The following TRPM7 variants were observed in gnomAD, a reference collection of about 807,000 sequenced individuals.
TRPM7 encodes the protein LTRPC ion channel family member 7.
TRPM7 carries 134 observed loss-of-function variants against 229.7 expected under a neutral mutation model. The observed-to-expected ratio is 0.58, with a 90% confidence interval of 0.51 to 0.67. The LOEUF is 0.67. Among genes scored for constraint, TRPM7 ranks in the 30% least tolerant of loss-of-function variants. The pLI, the probability that TRPM7 is intolerant of heterozygous loss-of-function variation, is 0.00. For synonymous variants in TRPM7, 699 were observed against 715.2 expected (o/e 0.98, Z 0.36); for missense variants, 1,901 against 2,210.0 (o/e 0.86, Z 2.80).
At chr15:50,655,835 C>A (rs1051305872) in intron 3 of TRPM7, among the ~76,000 whole-genome samples, 1 of 151,618 alleles carries the variant, frequency 6.6e-6, no homozygotes, top group Non-Finnish European at 1.5e-5. Context: ...ACTAAAAGTA[C>A]GAAAATTAGC....
intron 1 of TRPM7, among the ~76,000 whole-genome samples, chr15:50,671,130 G>C (rs1596342367): frequency 6.6e-6 from 1 of 152,116 alleles, no homozygotes; most frequent in Non-Finnish European, 1.5e-5. Flanking sequence ...TAGTCACCAT[G>C]TTGTACAGAA....
chr15:50,618,099 C>T (rs1319713077), intron 13 of TRPM7, among the ~76,000 whole-genome samples: 1 of 151,946 alleles, frequency 6.6e-6, no homozygotes, highest in Non-Finnish European at 1.5e-5. Flanking sequence ...TCAAGGAAAA[C>T]AAAACTGTAT....
At chr15:50,589,078 T>C (rs990241945) in intron 27 of TRPM7, among the ~76,000 whole-genome samples, 2 of 152,118 alleles carry the variant, frequency 1.3e-5, no homozygotes, top group Non-Finnish European at 2.9e-5. Context: ...TCCCAGCACC[T>C]TGGGAAGCCG....
chr15:50,628,802 A>G (rs1291882363), intron 10 of TRPM7, among the ~76,000 whole-genome samples: 1 of 152,218 alleles, frequency 6.6e-6, no homozygotes, highest in Non-Finnish European at 1.5e-5. Context: ...ACAAAGATGA[A>G]CTGTTTCTAT....
intron 38 of TRPM7, 136 bp from the exon 39 acceptor site, chr15:50,561,944 G>C: frequency 1.2e-6 from 1 of 843,848 alleles, no homozygotes; most frequent in South Asian, 2.1e-5. Flanking sequence ...GCCCAAGCTG[G>C]AGTGCAATGG....
At chr15:50,575,966 C>A in intron 31 of TRPM7, 47 bp from the exon 32 acceptor site, 1 of 1,577,372 alleles carries the variant, frequency 6.3e-7, no homozygotes. Flanking sequence ...AGTACTAGTA[C>A]AGCAAAAATT....
intron 3 of TRPM7, among the ~76,000 whole-genome samples, chr15:50,656,634 C>A (rs989566823): frequency 4.8e-4 from 73 of 151,890 alleles, no homozygotes; most frequent in African/African-American, 1.7e-3. Context: ...TCACATCCAG[C>A]CTGTCAGGTT....
intron 1 of TRPM7, among the ~76,000 whole-genome samples, chr15:50,673,548 A>G (rs1207062699): frequency 1.3e-5 from 2 of 151,930 alleles, no homozygotes; most frequent in African/African-American, 4.8e-5. Flanking sequence ...GAGTTACTTC[A>G]CTTAGAATTA....
Position 50,609,561 on chromosome 15 carries a change from T to C in TRPM7, c.2580+20A>G. ...GCCTAACTCTTAAAAACATTATGCT[T>C]GTGTAATTTAAAAACATACCGTGTT... On this transcript the variant is annotated intron_variant, in intron 19 of 38. Transcript: ENST00000646667. 1 of 1,593,058 alleles carries C rather than the reference T, an allele frequency of 6.3e-7. No individual in the cohort carries two copies. Among genetic ancestry groups the C allele is most frequent in the South Asian group, 1.2e-5 (1 of 86,650 alleles).
At chr15:50,570,826 G>A (rs1394239763) in intron 36 of TRPM7, among the ~76,000 whole-genome samples, 1 of 151,156 alleles carries the variant, frequency 6.6e-6, no homozygotes, top group African/African-American at 2.4e-5. Context: ...CTGCACTCTA[G>A]CCTGGGCAAC....
chr15:50,574,378 CCATT>C lies in TRPM7; in HGVS notation c.5200_5203del (p.Asn1734GlufsTer15). 6.2e-7 allele frequency: 1 copy of C among 1,613,576 alleles called. No homozygotes were observed. Among genetic ancestry groups the C allele is most frequent in the Non-Finnish European group, 8.5e-7 (1 of 1,179,620 alleles). On this transcript the variant is annotated frameshift_variant, in exon 36 of 39. Coordinates refer to ENST00000646667, the MANE Select transcript of TRPM7 (RefSeq NM_017672.6). LOFTEE classifies it high-confidence loss of function. ...AGTATTAGTTGGAATAATCTCATCT[CCATT>C]ATTATTGTTGTATTTTCTAAATTCT...
intron 21 of TRPM7, chr15:50,604,500 G>C (rs2140432733): frequency 6.5e-6 from 1 of 153,870 alleles, no homozygotes; most frequent in East Asian, 1.9e-4. Context: ...GAACCTGAGA[G>C]GCAGAGGTTG....
rs552870502 is a variant in TRPM7 at position 50,641,395 on chromosome 15, C to A, written c.536-1847G>T. On this transcript the variant is annotated intron_variant, in intron 5 of 38. Coordinates refer to ENST00000646667, the MANE Select transcript of TRPM7 (RefSeq NM_017672.6). ...TTCCAACACACGAGCCATCTCCTCC[C>A]CTTTACATGCTTTGCCTTATGTTTT... Among the ~76,000 whole-genome samples the A allele has an allele frequency of 3.9e-5, 6 of 152,274 alleles. No homozygotes were observed. In the East Asian group the frequency reaches 1.2e-3, roughly 29 times the overall value.
At chr15:50,610,993 T>C in intron 17 of TRPM7, 100 bp downstream of exon 17, 1 of 899,238 alleles carries the variant, frequency 1.1e-6, no homozygotes. Context: ...CCCCCACCAT[T>C]ACACTCACAC....
intron 11 of TRPM7, among the ~76,000 whole-genome samples, chr15:50,626,230 TTCTG>T (rs1483385675): frequency 1.3e-5 from 2 of 152,148 alleles, no homozygotes; most frequent in Admixed American, 6.5e-5. Context: ...AAATCATTTT[TTCTG>T]TCTTATTACA....
At chr15:50,676,585 A>T (rs565166279) in intron 1 of TRPM7, among the ~76,000 whole-genome samples, 1 of 152,092 alleles carries the variant, frequency 6.6e-6, no homozygotes, top group East Asian at 1.9e-4. Flanking sequence ...ATAAAAAGAT[A>T]AAAAAGACTT....
chr15:50,578,756 A>T (rs1371904907), intron 30 of TRPM7, 92 bp from the exon 31 acceptor site: 3 of 843,588 alleles, frequency 3.6e-6, no homozygotes, highest in South Asian at 6.1e-5. Context: ...ATTATTATAT[A>T]AAAAATATTA....
Position 50,649,397 on chromosome 15 carries a change from G to A in TRPM7, c.123-512C>T, listed in dbSNP as rs553658078. Among the ~76,000 whole-genome samples the A allele has an allele frequency of 4.7e-5, 7 of 150,116 alleles. 1 individual carries two copies. In the Admixed American group the frequency reaches 4.7e-4, roughly 10 times the overall value. Reference sequence around the variant, plus strand: ...TGCAGTTAGCCTTGGTCACACCACTGTGCTCCATCCTGGACGACAGAACAA... The same window carrying A: ...TGCAGTTAGCCTTGGTCACACCACTATGCTCCATCCTGGACGACAGAACAA... On this transcript the variant is annotated intron_variant, in intron 3 of 38. Transcript: ENST00000646667.
At chr15:50,673,158 C>T (rs1486497761) in intron 1 of TRPM7, among the ~76,000 whole-genome samples, 2 of 151,884 alleles carry the variant, frequency 1.3e-5, no homozygotes, top group Non-Finnish European at 2.9e-5. Flanking sequence ...ATGCCCTAGG[C>T]CTTCACATTC....
Sources: gnomAD v4.1 joint callset for allele counts (sites outside exome capture counted in the v4.1 genomes callset) on GRCh38, gnomAD v4.1.1 for gene constraint, MANE v1.5 for transcripts, NCBI Gene and HGNC (gene_info 2026-07-23, HGNC 2026-07-21) for gene names.